KCNIP4: variants seen among roughly 807,000 people sequenced by gnomAD.
KCNIP4 encodes the protein potassium voltage-gated channel interacting protein 4.
In KCNIP4, 12 loss-of-function variants were observed where a neutral mutation model predicts 34.0. The observed-to-expected ratio is 0.35, with a 90% CI of 0.23 to 0.57. The LOEUF is 0.57. Among genes scored for constraint, KCNIP4 ranks in the 20% least tolerant of loss-of-function variants. KCNIP4 has a pLI of 0.83. For synonymous variants in KCNIP4, 124 were observed against 102.2 expected (o/e 1.21, Z -1.29); for missense variants, 238 against 311.7 (o/e 0.76, Z 1.78).
At chr4:21,138,790 A>G (rs1560756028) in intron 1 of KCNIP4, among the ~76,000 whole-genome samples, 1 of 152,116 alleles carries the variant, frequency 6.6e-6, no homozygotes, top group Non-Finnish European at 1.5e-5. Context: ...GCAATGCAGT[A>G]TGAGAAGACT....
chr4:20,922,409 G>T (rs187932323), intron 1 of KCNIP4, among the ~76,000 whole-genome samples: 3 of 152,104 alleles, frequency 2.0e-5, no homozygotes, highest in African/African-American at 7.2e-5. Context: ...ACATTGTAGC[G>T]TCTGGTTCGT....
chr4:20,860,215 C>G (rs537579913), intron 2 of KCNIP4, among the ~76,000 whole-genome samples: 1 of 151,934 alleles, frequency 6.6e-6, no homozygotes, highest in Non-Finnish European at 1.5e-5. Context: ...TCTTGACTCA[C>G]TGCAAGCTCC....
At chr4:21,310,784 C>T (rs548251135) in intron 1 of KCNIP4, among the ~76,000 whole-genome samples, 4 of 151,994 alleles carry the variant, frequency 2.6e-5, no homozygotes, top group African/African-American at 7.2e-5. Context: ...GGCACGTGCA[C>T]GACGTCGGCT....
chr4:21,459,710 A>G (rs2109770789), intron 1 of KCNIP4, among the ~76,000 whole-genome samples: 1 of 152,104 alleles, frequency 6.6e-6, no homozygotes, highest in East Asian at 1.9e-4. Flanking sequence ...AGGACAGGTG[A>G]AGTCTTATAA....
At chr4:21,815,758 G>A (rs963192354) in intron 1 of KCNIP4, among the ~76,000 whole-genome samples, 54 of 152,024 alleles carry the variant, frequency 3.6e-4, no homozygotes, top group African/African-American at 1.2e-3. Context: ...CTTTTTAAAT[G>A]AGAAACTGAG....
At chr4:21,303,125 T>G (rs982604721) in intron 1 of KCNIP4, among the ~76,000 whole-genome samples, 2 of 152,154 alleles carry the variant, frequency 1.3e-5, no homozygotes, top group African/African-American at 4.8e-5. Flanking sequence ...AAATACAAAA[T>G]GTATTGTTTA....
At chr4:21,350,887 A>G (rs1037416465) in intron 1 of KCNIP4, among the ~76,000 whole-genome samples, 1 of 152,226 alleles carries the variant, frequency 6.6e-6, no homozygotes, top group Non-Finnish European at 1.5e-5. Flanking sequence ...TCATTTTCAT[A>G]CAACATGACC....
chr4:20,806,052 G>A (rs1042841939), intron 3 of KCNIP4, among the ~76,000 whole-genome samples: 15 of 151,880 alleles, frequency 9.9e-5, no homozygotes, highest in East Asian at 3.9e-4. Flanking sequence ...TAATAATTCT[G>A]TTCCATTATT....
chr4:21,655,945 G>A (rs751081159), intron 1 of KCNIP4, among the ~76,000 whole-genome samples: 16 of 152,194 alleles, frequency 1.1e-4, no homozygotes, highest in African/African-American at 2.2e-4. Flanking sequence ...ACTGATGACT[G>A]AGAATCAGGA....
intron 1 of KCNIP4, among the ~76,000 whole-genome samples, chr4:21,730,621 T>G (rs190734792): frequency 2.4e-4 from 36 of 152,204 alleles, no homozygotes; most frequent in Admixed American, 5.2e-4. Flanking sequence ...GGGAAAAAAA[T>G]TAATAAAACA....
chr4:21,920,098 T>C (rs1436515756), intron 1 of KCNIP4, among the ~76,000 whole-genome samples: 1 of 152,186 alleles, frequency 6.6e-6, no homozygotes, highest in Non-Finnish European at 1.5e-5. Context: ...TTCTTGAAAC[T>C]GTTATTTTCA....
intron 1 of KCNIP4, among the ~76,000 whole-genome samples, chr4:21,391,147 T>C (rs1435176364): frequency 6.6e-6 from 1 of 152,174 alleles, no homozygotes; most frequent in African/African-American, 2.4e-5. Context: ...TTTGCCCTTT[T>C]CAAATTGGGT....
Position 21,131,451 on chromosome 4 carries a change from T to C in KCNIP4, c.62-248742A>G, listed in dbSNP as rs146193999. 8.1e-3 allele frequency among the ~76,000 whole-genome samples: 1,234 copies of C among 151,932 alleles called. 17 individuals carry two copies. The highest frequency in any genetic ancestry group is 0.028 in the African/African-American group (1,170 of 41,448). On this transcript the variant is annotated intron_variant, in intron 1 of 8. Transcript: ENST00000382152. Reference sequence around the variant, plus strand: ...GGTGAAACCCCGTCTCTACTAAAAATACAAAAAAATTAGCTGGGCATGCTG... The same window carrying C: ...GGTGAAACCCCGTCTCTACTAAAAACACAAAAAAATTAGCTGGGCATGCTG...
intron 2 of KCNIP4, 37 bp downstream of exon 2, chr4:20,882,571 T>A: frequency 2.8e-6 from 4 of 1,446,628 alleles, no homozygotes; most frequent in Admixed American, 1.8e-5. Context: ...GAAACAAGAG[T>A]TTCGGAGGAA....
chr4:21,807,887 A>AAC (rs1721399363), intron 1 of KCNIP4, among the ~76,000 whole-genome samples: 1 of 152,192 alleles, frequency 6.6e-6, no homozygotes, highest in South Asian at 2.1e-4. Flanking sequence ...GTAACTAAGT[A>AAC]ATATATATGT....
intron 1 of KCNIP4, among the ~76,000 whole-genome samples, chr4:20,938,311 T>C (rs1405883482): frequency 6.6e-6 from 1 of 151,960 alleles, no homozygotes; most frequent in Non-Finnish European, 1.5e-5. Context: ...ACAAGAGCTT[T>C]TGGTATTGGC....
intron 1 of KCNIP4, among the ~76,000 whole-genome samples, chr4:21,155,153 C>T (rs1353288614): frequency 6.6e-6 from 1 of 152,164 alleles, no homozygotes. Flanking sequence ...TAGAGAGTGC[C>T]TCATGACAGC....
chr4:21,444,470 C>T (rs1284734360), intron 1 of KCNIP4, among the ~76,000 whole-genome samples: 25 of 152,308 alleles, frequency 1.6e-4, no homozygotes, highest in Admixed American at 3.3e-4. Context: ...GCTGGTTCAA[C>T]ATACGCAAAT....
intron 1 of KCNIP4, among the ~76,000 whole-genome samples, chr4:21,604,668 T>C (rs987805793): frequency 3.3e-5 from 5 of 152,198 alleles, no homozygotes; most frequent in African/African-American, 1.2e-4. Flanking sequence ...ATATTTAAGA[T>C]AAAGCCAACT....
Sources: gnomAD v4.1 joint callset for allele counts (sites outside exome capture counted in the v4.1 genomes callset) on GRCh38, gnomAD v4.1.1 for gene constraint, MANE v1.5 for transcripts, NCBI Gene and HGNC (gene_info 2026-07-23, HGNC 2026-07-21) for gene names.